The following CALN1 variants were observed in gnomAD, a reference collection of about 807,000 sequenced individuals.
CALN1 encodes the protein calcium-binding protein 8.
A neutral mutation model predicts 30.6 loss-of-function variants in CALN1; 17 were observed. The ratio of observed to expected loss-of-function variants is 0.56; its 90% CI spans 0.38 to 0.83. CALN1 has a LOEUF of 0.83. Ranked by LOEUF, CALN1 falls within the 40% of genes least tolerant of loss-of-function variation. The pLI is 0.00. For synonymous variants in CALN1, 156 were observed against 131.4 expected (o/e 1.19, Z -1.28); for missense variants, 291 against 354.9 (o/e 0.82, Z 1.45).
At chr7:72,177,455 C>A (rs747532859) in intron 3 of CALN1, among the ~76,000 whole-genome samples, 6 of 151,900 alleles carry the variant, frequency 3.9e-5, no homozygotes, top group Non-Finnish European at 7.4e-5. Context: ...TTTTCTACAC[C>A]AAGCTTTATA....
intron 3 of CALN1, among the ~76,000 whole-genome samples, chr7:72,163,234 G>C (rs930983468): frequency 6.6e-6 from 1 of 152,036 alleles, no homozygotes; most frequent in African/African-American, 2.4e-5. Flanking sequence ...GAAAAATGCC[G>C]TAAAAGAGCA....
chr7:72,256,284 C>T (rs997442678), intron 3 of CALN1, among the ~76,000 whole-genome samples: 25 of 152,074 alleles, frequency 1.6e-4, no homozygotes, highest in Admixed American at 1.2e-3. Context: ...TAGAGTTAGA[C>T]CTCATCGCTA....
At chr7:71,796,254 G>A (rs1411735114) in intron 6 of CALN1, among the ~76,000 whole-genome samples, 1 of 151,916 alleles carries the variant, frequency 6.6e-6, no homozygotes, top group African/African-American at 2.4e-5. Flanking sequence ...ATGCCGCTAT[G>A]AACATCCATG....
chr7:72,200,773 C>G (rs1054363473), intron 3 of CALN1, among the ~76,000 whole-genome samples: 6 of 152,120 alleles, frequency 3.9e-5, no homozygotes, highest in Admixed American at 3.9e-4. Flanking sequence ...CAAGGAAGAA[C>G]CAGACAGTGG....
intron 2 of CALN1, among the ~76,000 whole-genome samples, chr7:72,299,874 A>G (rs963352906): frequency 2.7e-5 from 4 of 150,844 alleles, no homozygotes; most frequent in Non-Finnish European, 5.9e-5. Context: ...TTTTTGTTTC[A>G]ATTTTTGTTT....
chr7:72,205,797 G>T (rs948503401), intron 3 of CALN1, among the ~76,000 whole-genome samples: 4 of 151,454 alleles, frequency 2.6e-5, no homozygotes, highest in Admixed American at 2.0e-4. Flanking sequence ...ATCTCTAACA[G>T]CTGTGATTTC....
At chr7:71,891,953 TA>T (rs1427050183) in intron 5 of CALN1, among the ~76,000 whole-genome samples, 4 of 124,812 alleles carry the variant, frequency 3.2e-5, no homozygotes, top group East Asian at 2.8e-4. Flanking sequence ...CAAAAATAAA[TA>T]AATAAAAAAA....
At chr7:72,278,593 G>A (rs1797517943) in intron 3 of CALN1, 93 bp downstream of exon 3, 9 of 1,539,850 alleles carry the variant, frequency 5.8e-6, no homozygotes, top group African/African-American at 2.7e-5. Context: ...CCAAGGAGTG[G>A]CCAAAGTCCA....
chr7:72,483,484 C>T, the CALN1 span, among the ~76,000 whole-genome samples: 3 of 152,070 alleles, frequency 2.0e-5, no homozygotes, highest in Non-Finnish European at 4.4e-5. Flanking sequence ...GGAGTTTCAC[C>T]ATGTTGGCCA....
At chr7:72,392,310 G>A (rs958247555) in intron 2 of CALN1, among the ~76,000 whole-genome samples, 7 of 152,158 alleles carry the variant, frequency 4.6e-5, no homozygotes, top group East Asian at 3.9e-4. Flanking sequence ...TCCTGACCTC[G>A]AGATTCCACA....
At chr7:71,981,598 A>G (rs1163502891) in intron 5 of CALN1, among the ~76,000 whole-genome samples, 1 of 152,038 alleles carries the variant, frequency 6.6e-6, no homozygotes, top group African/African-American at 2.4e-5. Flanking sequence ...AGGAGGTTAC[A>G]GTGAGCAGAC....
chr7:72,055,102 T>C (rs930741810), intron 4 of CALN1, among the ~76,000 whole-genome samples: 2 of 152,188 alleles, frequency 1.3e-5, no homozygotes, highest in Non-Finnish European at 1.5e-5. Context: ...CCAGGCATCA[T>C]AGTACATGAG....
At chr7:72,226,703 G>A (rs539602185) in intron 3 of CALN1, among the ~76,000 whole-genome samples, 2 of 152,258 alleles carry the variant, frequency 1.3e-5, no homozygotes, top group East Asian at 3.9e-4. Context: ...AATACCGCAC[G>A]TTCTCATTTA....
chr7:72,012,307 T>TC (rs2129529314), intron 5 of CALN1, among the ~76,000 whole-genome samples: 1 of 152,196 alleles, frequency 6.6e-6, no homozygotes, highest in East Asian at 1.9e-4. Context: ...CATGAGGTCC[T>TC]CTTGAGACCA....
chr7:71,905,952 G>T (rs1794112744), intron 5 of CALN1, among the ~76,000 whole-genome samples: 1 of 152,096 alleles, frequency 6.6e-6, no homozygotes, highest in Non-Finnish European at 1.5e-5. Context: ...CATGGTGGCA[G>T]GAGAGAGAAG....
chr7:71,840,882 T>G (rs547895400), intron 5 of CALN1, among the ~76,000 whole-genome samples: 10 of 152,104 alleles, frequency 6.6e-5, no homozygotes, highest in Non-Finnish European at 1.0e-4. Context: ...TTTGGATACA[T>G]CCTTTCTATA....
chr7:72,018,845 A>C (rs916919215), intron 5 of CALN1, among the ~76,000 whole-genome samples: 6 of 151,948 alleles, frequency 3.9e-5, no homozygotes, highest in African/African-American at 1.4e-4. Flanking sequence ...TTATTTATTT[A>C]TTTATTTTTG....
At chr7:72,379,010 TG>T (rs1804733578) in intron 2 of CALN1, among the ~76,000 whole-genome samples, 1 of 152,240 alleles carries the variant, frequency 6.6e-6, no homozygotes. Flanking sequence ...GATTTTAGAA[TG>T]TTAAACCAAC....
In CALN1 at chr7:72,205,119, T is replaced by G. The variant is rs1023697896; in HGVS notation, c.244+73567A>C. Among the ~76,000 whole-genome samples, 20 of 152,294 alleles carry G rather than the reference T, an allele frequency of 1.3e-4. No homozygotes were observed. In the South Asian group the frequency reaches 2.9e-3, roughly 22 times the overall value. ...AAGTTGGGGATTCTTCTCTGTAGGC[T>G]TATTGATCAATTTGATTTTTTTTTC... On this transcript the variant is annotated intron_variant, in intron 3 of 6. Coordinates refer to ENST00000395275, the MANE Select transcript of CALN1 (RefSeq NM_031468.4).
Sources: gnomAD v4.1 joint callset for allele counts (sites outside exome capture counted in the v4.1 genomes callset) on GRCh38, gnomAD v4.1.1 for gene constraint, MANE v1.5 for transcripts, NCBI Gene and HGNC (gene_info 2026-07-23, HGNC 2026-07-21) for gene names.